TUFT1: variants seen among roughly 807,000 people sequenced by gnomAD.
TUFT1 encodes tuftelin.
In TUFT1, 43 loss-of-function variants were observed where a neutral mutation model predicts 57.8. That is an observed-to-expected ratio of 0.74 (90% confidence interval 0.58 to 0.96). The LOEUF (loss-of-function observed/expected upper bound fraction) is 0.96, where lower values mean the gene tolerates loss of function less well. Among genes scored for constraint, TUFT1 ranks in the 40% least tolerant of loss-of-function variants. TUFT1 has a pLI of 0.00. For synonymous variants in TUFT1, 166 were observed against 176.7 expected (o/e 0.94, Z 0.48); for missense variants, 459 against 489.0 (o/e 0.94, Z 0.58).
chr1:151,558,089 C>T (rs1571697278), intron 1 of TUFT1: 1 of 321,458 alleles, frequency 3.1e-6, no homozygotes, highest in Non-Finnish European at 6.0e-6. Context: ...TTCAAGTTTC[C>T]TTTTTTTAAA....
chr1:151,574,822 G>C, intron 8 of TUFT1, 89 bp from the exon 9 acceptor site: 1 of 1,149,424 alleles, frequency 8.7e-7, no homozygotes, highest in Non-Finnish European at 1.3e-6. Flanking sequence ...CCCAGTAGGG[G>C]CTGAGTCCCA....
chr1:151,542,998 G>A (rs548527200), intron 1 of TUFT1, among the ~76,000 whole-genome samples: 7 of 152,326 alleles, frequency 4.6e-5, no homozygotes, highest in East Asian at 1.9e-4. Flanking sequence ...TCAGAATGTA[G>A]ACAGTTGAAC....
At chr1:151,557,605 C>T (rs998727386) in intron 1 of TUFT1, 27 of 1,086,078 alleles carry the variant, frequency 2.5e-5, no homozygotes, top group South Asian at 8.7e-5. Context: ...TCTCAAGTCC[C>T]GAGGCTACGT....
At chr1:151,581,418 C>T (rs1224691132) in intron 12 of TUFT1, among the ~76,000 whole-genome samples, 1 of 152,188 alleles carries the variant, frequency 6.6e-6, no homozygotes, top group East Asian at 1.9e-4. Flanking sequence ...TTTAACTGCC[C>T]CTCTCTTTTC....
chr1:151,579,970 A>C (rs956744267), intron 11 of TUFT1, among the ~76,000 whole-genome samples: 1 of 152,210 alleles, frequency 6.6e-6, no homozygotes, highest in African/African-American at 2.4e-5. Flanking sequence ...CGGACATGTC[A>C]TCATGGTGCA....
chr1:151,545,723 A>G, intron 1 of TUFT1: 1 of 420,898 alleles, frequency 2.4e-6, no homozygotes, highest in Non-Finnish European at 5.1e-6. Context: ...CGTTTCCTTG[A>G]TGATCCAGGT....
chr1:151,565,532 G>A (rs1427495070), intron 5 of TUFT1, among the ~76,000 whole-genome samples: 3 of 152,242 alleles, frequency 2.0e-5, no homozygotes, highest in Non-Finnish European at 4.4e-5. Context: ...AGGTCTTTCA[G>A]TGCTTGAGCT....
chr1:151,562,520 G>A (rs184367931), intron 2 of TUFT1, 65 bp from the exon 3 acceptor site: 1 of 1,405,794 alleles, frequency 7.1e-7, no homozygotes, highest in African/African-American at 1.4e-5. Flanking sequence ...AGGAGTTCTG[G>A]GCTTGCCATG....
intron 8 of TUFT1, 112 bp downstream of exon 8, chr1:151,574,510 A>T: frequency 7.2e-7 from 1 of 1,390,774 alleles, no homozygotes; most frequent in Non-Finnish European, 9.8e-7. Context: ...CCAGAAAAGC[A>T]CACTTCGCAC....
intron 7 of TUFT1, among the ~76,000 whole-genome samples, chr1:151,574,016 G>A (rs1350390668): frequency 6.6e-6 from 1 of 152,164 alleles, no homozygotes; most frequent in Non-Finnish European, 1.5e-5. Context: ...AGTGGTGCTT[G>A]TGGGTTCCAG....
chr1:151,548,807 T>C lies in TUFT1; in HGVS notation c.60+8381T>C, dbSNP rs544254355. The stretch of plus-strand genomic sequence containing the variant: ...CTTCCTCTTAGAAAGAACCTTACAC[T>C]TGACTCCTACCCAGTCCTAGTGACC... On this transcript the variant is annotated intron_variant, in intron 1 of 12. Transcript: ENST00000368849. Among the ~76,000 whole-genome samples the C allele has an allele frequency of 2.0e-5, 3 of 152,258 alleles. No individual in the cohort carries two copies. The East Asian group carries it at 5.8e-4, about 29-fold the overall frequency.
chr1:151,569,231 T>G (rs1666173171), intron 6 of TUFT1, among the ~76,000 whole-genome samples: 1 of 152,164 alleles, frequency 6.6e-6, no homozygotes, highest in African/African-American at 2.4e-5. Flanking sequence ...GACCACTCCC[T>G]TTGTGATGGG....
In TUFT1 at chr1:151,562,705, C is replaced by G. The variant is rs1318184007; in HGVS notation, c.237+19C>G. On this transcript the variant is annotated intron_variant, in intron 3 of 12. Coordinates refer to ENST00000368849, the MANE Select transcript of TUFT1 (RefSeq NM_020127.3). ...CATTAAGGTAAGCTTAGTTCACCTC[C>G]AACTTTTCTCCCTGTCCTCTTCCTC... 1 of 1,593,256 alleles carries G rather than the reference C, an allele frequency of 6.3e-7. No homozygotes were observed. Among genetic ancestry groups the G allele is most frequent in the Non-Finnish European group, 8.6e-7 (1 of 1,162,120 alleles).
chr1:151,572,905 A>G (rs1213958101), intron 7 of TUFT1, among the ~76,000 whole-genome samples: 1 of 152,172 alleles, frequency 6.6e-6, no homozygotes, highest in Admixed American at 6.5e-5. Flanking sequence ...GCTGGCTGCT[A>G]GGCTTTCCAG....
chr1:151,543,435 A>C (rs1665231039), intron 1 of TUFT1, among the ~76,000 whole-genome samples: 2 of 151,898 alleles, frequency 1.3e-5, no homozygotes, highest in Non-Finnish European at 1.5e-5. Context: ...TTTGCAAGCC[A>C]CTGTGGTAAG....
chr1:151,560,592 A>G (rs1470691694), intron 1 of TUFT1, among the ~76,000 whole-genome samples: 1 of 152,190 alleles, frequency 6.6e-6, no homozygotes, highest in South Asian at 2.1e-4. Context: ...GTAAGATGTC[A>G]TTTATGCAGC....
intron 11 of TUFT1, among the ~76,000 whole-genome samples, chr1:151,580,661 C>CAAAAAAAAAAAAAAA: frequency 1.4e-5 from 1 of 71,908 alleles, no homozygotes; most frequent in Non-Finnish European, 2.6e-5. Context: ...GACCCTATCT[C>CAAAAAAAAAAAAAAA]AAAAAAAAAA....
At chr1:151,557,000 C>G (rs1665721767) in intron 1 of TUFT1, among the ~76,000 whole-genome samples, 1 of 152,134 alleles carries the variant, frequency 6.6e-6, no homozygotes, top group African/African-American at 2.4e-5. Flanking sequence ...GCTGAGATTA[C>G]AGATGTGAGC....
At chr1:151,571,189 A>G (rs1459563388) in intron 7 of TUFT1, among the ~76,000 whole-genome samples, 2 of 152,250 alleles carry the variant, frequency 1.3e-5, no homozygotes, top group Non-Finnish European at 2.9e-5. Context: ...CATGGAACTG[A>G]GAAGGAGAAT....
Sources: gnomAD v4.1 joint callset for allele counts (sites outside exome capture counted in the v4.1 genomes callset) on GRCh38, gnomAD v4.1.1 for gene constraint, MANE v1.5 for transcripts, NCBI Gene and HGNC (gene_info 2026-07-23, HGNC 2026-07-21) for gene names.